The following HMGB1 variants were observed in gnomAD, a reference collection of about 807,000 sequenced individuals.
The protein encoded by HMGB1 is high mobility group protein B1.
For missense variants in HMGB1, 79 were observed against 253.5 expected (o/e 0.31, Z 4.67); for synonymous variants, 81 against 84.0 (o/e 0.96, Z 0.19).
intron 1 of HMGB1, among the ~76,000 whole-genome samples, chr13:30,557,483 C>T (rs1593310921): frequency 6.6e-6 from 1 of 152,342 alleles, no homozygotes; most frequent in East Asian, 1.9e-4. Context: ...AACCATGTTT[C>T]ATGTCTCTGC....
At chr13:30,593,604 G>A (rs1593333474) in intron 1 of HMGB1, among the ~76,000 whole-genome samples, 1 of 152,210 alleles carries the variant, frequency 6.6e-6, no homozygotes, top group Admixed American at 6.5e-5. Flanking sequence ...CTAGGAAGTT[G>A]ATTCTACAAC....
chr13:30,523,204 T>A (rs570504186), intron 1 of HMGB1, among the ~76,000 whole-genome samples: 1 of 152,374 alleles, frequency 6.6e-6, no homozygotes, highest in South Asian at 2.1e-4. Context: ...TTACTTTTTG[T>A]GTTTATGAAC....
intron 1 of HMGB1, among the ~76,000 whole-genome samples, chr13:30,481,978 T>A (rs1887238877): frequency 6.6e-6 from 1 of 152,108 alleles, no homozygotes; most frequent in Non-Finnish European, 1.5e-5. Flanking sequence ...TACAGGTGTG[T>A]GCCACCACGC....
chr13:30,483,106 T>G (rs1434868326), intron 1 of HMGB1, among the ~76,000 whole-genome samples: 3 of 152,078 alleles, frequency 2.0e-5, no homozygotes, highest in African/African-American at 7.2e-5. Flanking sequence ...TACCAATTAT[T>G]GAGGAGCAAT....
intron 1 of HMGB1, among the ~76,000 whole-genome samples, chr13:30,480,677 C>T (rs7335769): frequency 0.05 from 7,541 of 152,114 alleles, 644 homozygotes; most frequent in African/African-American, 0.17. Flanking sequence ...CCTTCTATGT[C>T]GGTCGCTCTC....
At chr13:30,508,274 G>A (rs1887913472) in intron 1 of HMGB1, among the ~76,000 whole-genome samples, 1 of 152,136 alleles carries the variant, frequency 6.6e-6, no homozygotes, top group South Asian at 2.1e-4. Context: ...CGCTTTGGGA[G>A]GCTGAGGCAG....
chr13:30,554,377 G>C lies in HMGB1; in HGVS notation c.-15+62294C>G, dbSNP rs977750004. The C allele has an allele frequency of 1.9e-5, 16 of 841,328 alleles. No individual in the cohort carries two copies. In the African/African-American group the frequency reaches 2.0e-4, roughly 11 times the overall value. The allele number at this position is 841,328 out of a possible 1,614,324, so 52.1% of individuals were successfully genotyped here. A position where few individuals can be genotyped will look rare whatever the true frequency, so the allele number is the denominator to read the frequency against. On this transcript the variant is annotated intron_variant, in intron 1 of 4. Coordinates refer to the HMGB1 transcript ENST00000405805. ...TGGTAGACGCTTGTCTTGTTTTGAT[G>C]GGAAAAGGAGATTATATTAACATTA... is the stretch of plus-strand genomic sequence containing the variant.
intron 1 of HMGB1, among the ~76,000 whole-genome samples, chr13:30,576,702 T>C (rs1369224761): frequency 6.6e-6 from 1 of 151,772 alleles, no homozygotes; most frequent in Admixed American, 6.6e-5. Flanking sequence ...CGCAACTATC[T>C]CCTGGAAGCT....
At chr13:30,466,015 C>T (rs1469525088), upstream of HMGB1, 14 of 940,812 alleles carry the variant, frequency 1.5e-5, no homozygotes, top group East Asian at 1.2e-4. Context: ...TCCCATTGTC[C>T]TGACCAGAGC....
rs193090641 is a variant in HMGB1, at chr13:30,616,106, G to A, written c.-15+565C>T. On this transcript the variant is annotated intron_variant, in intron 1 of 4. Transcript: ENST00000405805. The stretch of plus-strand genomic sequence containing the variant: ...CCGTTACTCTATAATATAAACGAAA[G>A]GGGTTTTCTAGTCAATCTCTGCTGA... Among the ~76,000 whole-genome samples, 90 of 152,246 alleles carry A rather than the reference G, an allele frequency of 5.9e-4. No homozygotes were observed. In the East Asian group the frequency reaches 0.015, roughly 26 times the overall value.
chr13:30,500,606 A>C (rs955747000), intron 1 of HMGB1, among the ~76,000 whole-genome samples: 17 of 147,872 alleles, frequency 1.1e-4, no homozygotes, highest in African/African-American at 4.4e-4. Flanking sequence ...CAGTGGCATG[A>C]TCTCAGCTCA....
At position 30,478,751 on chromosome 13, in the gene HMGB1, C is replaced by T. The variant is rs1373468934; in HGVS notation, c.-14-15057G>A. On this transcript the variant is annotated intron_variant, in intron 1 of 4. Transcript: ENST00000405805. The stretch of plus-strand genomic sequence containing the variant: ...GCACAATCATAGCTCACTGCAGCCT[C>T]AAACTCTTGGGCTCAAGTGATCTTC... 2.0e-5 allele frequency among the ~76,000 whole-genome samples: 3 copies of T among 152,178 alleles called. No individual in the cohort carries two copies. The East Asian group carries it at 5.8e-4, about 29-fold the overall frequency.
intron 1 of HMGB1, among the ~76,000 whole-genome samples, chr13:30,464,894 CG>C (rs1593257342): frequency 7.1e-6 from 1 of 139,894 alleles, no homozygotes. Context: ...GGGGGAGGGG[CG>C]GGGGGCGCGC....
chr13:30,611,870 T>C (rs561565064), intron 1 of HMGB1, among the ~76,000 whole-genome samples: 2 of 149,664 alleles, frequency 1.3e-5, no homozygotes, highest in Admixed American at 6.6e-5. Flanking sequence ...AAAAAAGCCA[T>C]TGATGAAAAA....
chr13:30,481,620 C>A (rs761029847), intron 1 of HMGB1, among the ~76,000 whole-genome samples: 4 of 152,184 alleles, frequency 2.6e-5, no homozygotes, highest in Non-Finnish European at 5.9e-5. Flanking sequence ...CTGGCTCCCC[C>A]GGTGGGGCAA....
intron 1 of HMGB1, among the ~76,000 whole-genome samples, chr13:30,536,818 A>G (rs1008511463): frequency 6.6e-6 from 1 of 151,688 alleles, no homozygotes; most frequent in African/African-American, 2.4e-5. Context: ...GCTATTTGTC[A>G]CCATACTCTC....
At chr13:30,570,913 T>C (rs1870396467) in intron 1 of HMGB1, among the ~76,000 whole-genome samples, 1 of 152,224 alleles carries the variant, frequency 6.6e-6, no homozygotes, top group Non-Finnish European at 1.5e-5. Context: ...GGCAATTCTC[T>C]AAATATATTA....
chr13:30,500,480 C>T (rs1887709161), intron 1 of HMGB1, among the ~76,000 whole-genome samples: 1 of 151,732 alleles, frequency 6.6e-6, no homozygotes, highest in African/African-American at 2.4e-5. Flanking sequence ...AGCAATCCTC[C>T]CCACTCAGCC....
intron 1 of HMGB1, among the ~76,000 whole-genome samples, chr13:30,504,479 G>C (rs1198227878): frequency 6.6e-6 from 1 of 151,964 alleles, no homozygotes; most frequent in Non-Finnish European, 1.5e-5. Flanking sequence ...TGGTTATCTA[G>C]ATACTTCTTT....
Sources: allele counts gnomAD v4.1 joint callset (sites outside exome capture counted in the v4.1 genomes callset), GRCh38; gene constraint gnomAD v4.1.1; transcripts MANE v1.5; gene names NCBI Gene and HGNC (gene_info 2026-07-23, HGNC 2026-07-21).